The following PTPRK variants were observed in gnomAD, a reference collection of about 807,000 sequenced individuals.
PTPRK encodes receptor-type tyrosine-protein phosphatase kappa.
In PTPRK, 75 loss-of-function variants were observed where a neutral mutation model predicts 178.0. The observed-to-expected ratio is 0.42, with a 90% CI of 0.35 to 0.51. The LOEUF (loss-of-function observed/expected upper bound fraction) is 0.51. PTPRK is among the 20% of genes least tolerant of loss of function. PTPRK has a pLI of 0.02. For missense variants in PTPRK, 1,441 were observed against 1,797.8 expected, an observed-to-expected ratio of 0.80 and a Z score of 3.59; for synonymous variants, 637 against 620.6, an observed-to-expected ratio of 1.03 and a Z score of -0.39.
At position 128,090,087 on chromosome 6, in the gene PTPRK, C is replaced by A. The variant is rs954434619; in HGVS notation, c.1163-95G>T. On this transcript the variant is annotated intron_variant, in intron 7 of 29. Transcript: ENST00000368226. ...CAAGTATAATATAGCATATGCAAAT[C>A]TAGAAAATGTGGAAGTCATGTTTTA... 9.2e-6 allele frequency: 9 copies of A among 982,782 alleles called. No individual in the cohort carries two copies. The African/African-American group carries it at 1.3e-4, about 14-fold the overall frequency. The allele number at this position is 982,782 out of a possible 1,614,324, so 60.9% of individuals were successfully genotyped here.
chr6:128,076,648 T>G (rs1007929982), intron 11 of PTPRK, among the ~76,000 whole-genome samples: 1 of 152,130 alleles, frequency 6.6e-6, no homozygotes, highest in African/African-American at 2.4e-5. Flanking sequence ...TTTGAAGTTC[T>G]CAGCCTCTGG....
intron 2 of PTPRK, among the ~76,000 whole-genome samples, chr6:128,365,053 C>A (rs952912482): frequency 6.6e-6 from 1 of 151,950 alleles, no homozygotes; most frequent in Non-Finnish European, 1.5e-5. Context: ...ACTGTATCTG[C>A]ATATATCTGA....
chr6:128,480,831 C>T (rs1022680309), intron 1 of PTPRK, among the ~76,000 whole-genome samples: 1 of 152,250 alleles, frequency 6.6e-6, no homozygotes, highest in South Asian at 2.1e-4. Flanking sequence ...TGGCCAAGGC[C>T]CACTCTTCAT....
At chr6:128,409,544 C>T (rs1842062150) in intron 1 of PTPRK, among the ~76,000 whole-genome samples, 1 of 152,160 alleles carries the variant, frequency 6.6e-6, no homozygotes. Flanking sequence ...CATTTTTACT[C>T]ATAGCCTGGC....
chr6:128,051,743 C>T (rs140052588), intron 13 of PTPRK, among the ~76,000 whole-genome samples: 378 of 152,166 alleles, frequency 2.5e-3, no homozygotes, highest in Non-Finnish European at 3.7e-3. Flanking sequence ...ATGTTTTTAC[C>T]ACTCCCAAGT....
chr6:128,177,279 T>C (rs1801211449), intron 7 of PTPRK, among the ~76,000 whole-genome samples: 1 of 151,760 alleles, frequency 6.6e-6, no homozygotes, highest in Non-Finnish European at 1.5e-5. Flanking sequence ...ATTATAAATA[T>C]ACCATTTTAC....
intron 7 of PTPRK, among the ~76,000 whole-genome samples, chr6:128,097,594 C>T (rs541086852): frequency 2.6e-5 from 4 of 152,162 alleles, no homozygotes; most frequent in Non-Finnish European, 5.9e-5. Context: ...AATTTGGAGA[C>T]CCTTTAATGT....
At chr6:128,209,135 C>T (rs1807589619) in intron 6 of PTPRK, among the ~76,000 whole-genome samples, 1 of 151,916 alleles carries the variant, frequency 6.6e-6, no homozygotes, top group Non-Finnish European at 1.5e-5. Flanking sequence ...ATTGTAAGAG[C>T]CCCCTTAACT....
chr6:128,204,847 C>T (rs554057671), intron 6 of PTPRK, among the ~76,000 whole-genome samples: 3 of 152,270 alleles, frequency 2.0e-5, no homozygotes, highest in Non-Finnish European at 4.4e-5. Flanking sequence ...TTGCGGAAGA[C>T]AGTGTGGCAA....
At chr6:128,004,657 C>T (rs1778217485) in intron 15 of PTPRK, among the ~76,000 whole-genome samples, 1 of 151,776 alleles carries the variant, frequency 6.6e-6, no homozygotes, top group Admixed American at 6.6e-5. Flanking sequence ...AATGATTTTA[C>T]CTATGTCAAT....
At position 128,184,433 on chromosome 6, in the gene PTPRK, T is replaced by C. The variant is rs750296273; in HGVS notation, c.1161A>G (p.Ala387=). The C allele has an allele frequency of 1.2e-6, 2 of 1,613,148 alleles. No individual in the cohort carries two copies. Among genetic ancestry groups the C allele is most frequent in the Non-Finnish European group, 8.5e-7 (1 of 1,179,552 alleles). The change falls in exon 7 of 30, where the codon GCA becomes GCG. Residue 387 remains alanine, a splice_region_variant and synonymous_variant. Transcript: ENST00000368226. ...GPPLITRTKC[A]EPMRTPKTLK... is the part of the protein sequence containing the mutation. ...AAAAGGTCTGCTACTCAGTCTTACC[T>C]GCACATTTTGTTCTGGTGATTAGTG...
chr6:128,175,783 G>A (rs1800973801), intron 7 of PTPRK, among the ~76,000 whole-genome samples: 1 of 151,644 alleles, frequency 6.6e-6, no homozygotes, highest in Non-Finnish European at 1.5e-5. Flanking sequence ...AAAATAATTT[G>A]GGTACGTAAG....
chr6:128,012,697 C>T (rs945068662), intron 13 of PTPRK, among the ~76,000 whole-genome samples: 1 of 151,264 alleles, frequency 6.6e-6, no homozygotes, highest in African/African-American at 2.4e-5. Context: ...TGTGTCCTTG[C>T]TCCCACTACT....
At chr6:128,245,884 T>C (rs1815367088) in intron 3 of PTPRK, among the ~76,000 whole-genome samples, 2 of 152,232 alleles carry the variant, frequency 1.3e-5, no homozygotes, top group Admixed American at 1.3e-4. Flanking sequence ...CCCTGTATTA[T>C]ACTCCAAGCC....
intron 2 of PTPRK, among the ~76,000 whole-genome samples, chr6:128,379,512 T>C (rs1837571785): frequency 6.6e-6 from 1 of 152,176 alleles, no homozygotes; most frequent in Non-Finnish European, 1.5e-5. Flanking sequence ...GAAGGACAAA[T>C]AGGAAAGTCT....
chr6:128,315,008 AAAAC>A (rs59091717), intron 3 of PTPRK, among the ~76,000 whole-genome samples: 132,664 of 151,448 alleles, frequency 0.88, 58,705 homozygotes, highest in East Asian at 0.99. Context: ...ATGAAAGAAA[AAAAC>A]AAACAAACAA....
chr6:128,218,222 T>G (rs754897833), intron 6 of PTPRK, among the ~76,000 whole-genome samples: 4 of 152,212 alleles, frequency 2.6e-5, no homozygotes, highest in Non-Finnish European at 5.9e-5. Flanking sequence ...GGTAGGGACA[T>G]TGTATTACAT....
chr6:127,989,205 C>T (rs1247835531), intron 21 of PTPRK, among the ~76,000 whole-genome samples: 1 of 152,012 alleles, frequency 6.6e-6, no homozygotes, highest in East Asian at 1.9e-4. Context: ...TAAGAGACTG[C>T]ATATTCCACA....
intron 3 of PTPRK, among the ~76,000 whole-genome samples, chr6:128,284,582 TTC>T (rs1374514047): frequency 1.3e-5 from 2 of 152,254 alleles, no homozygotes; most frequent in Admixed American, 6.5e-5. Context: ...CTAAAGGTTA[TTC>T]TCTGTTTCAC....
Sources: gnomAD v4.1 joint callset for allele counts (sites outside exome capture counted in the v4.1 genomes callset) on GRCh38, gnomAD v4.1.1 for gene constraint, MANE v1.5 for transcripts, NCBI Gene and HGNC (gene_info 2026-07-23, HGNC 2026-07-21) for gene names.